ERBB4: variants seen among roughly 807,000 people sequenced by gnomAD.
The protein encoded by ERBB4 is erb-b2 receptor tyrosine kinase 4, also known as receptor tyrosine-protein kinase erbB-4.
In ERBB4, 42 loss-of-function variants were observed where a neutral mutation model predicts 158.0. That is an observed-to-expected ratio of 0.27 (90% confidence interval 0.21 to 0.34). The LOEUF (loss-of-function observed/expected upper bound fraction) is 0.34. ERBB4 is among the 10% of genes least tolerant of loss of function. The pLI, the probability that ERBB4 is intolerant of heterozygous loss-of-function variation, is 1.00. For missense variants in ERBB4, 1,333 were observed against 1,624.1 expected, an observed-to-expected ratio of 0.82 and a Z score of 3.08; for synonymous variants, 583 against 558.7, an observed-to-expected ratio of 1.04 and a Z score of -0.61.
At chr2:211,422,212 G>T in intron 23 of ERBB4, 108 bp from the exon 24 acceptor site, 111 of 644,456 alleles carry the variant, frequency 1.7e-4, no homozygotes, top group East Asian at 2.2e-4. Context: ...TGTTTTAATC[G>T]TAATGATCTG....
intron 3 of ERBB4, among the ~76,000 whole-genome samples, chr2:211,879,069 C>G (rs138095746): frequency 6.6e-6 from 1 of 152,044 alleles, no homozygotes; most frequent in Non-Finnish European, 1.5e-5. Flanking sequence ...TTGGTAAATG[C>G]TGGGGCTATC....
At chr2:211,734,063 A>G (rs1297338559) in intron 5 of ERBB4, among the ~76,000 whole-genome samples, 1 of 152,142 alleles carries the variant, frequency 6.6e-6, no homozygotes, top group African/African-American at 2.4e-5. Flanking sequence ...AAAATAATAA[A>G]TATTTAAAAA....
At chr2:212,439,661 G>A (rs985438653) in intron 1 of ERBB4, among the ~76,000 whole-genome samples, 5 of 152,108 alleles carry the variant, frequency 3.3e-5, no homozygotes, top group Non-Finnish European at 5.9e-5. Flanking sequence ...AAACAATAAT[G>A]CGATACAAAG....
chr2:211,943,235 T>A (rs1336964507), intron 3 of ERBB4, among the ~76,000 whole-genome samples: 1 of 152,092 alleles, frequency 6.6e-6, no homozygotes, highest in African/African-American at 2.4e-5. Flanking sequence ...TAATTCCTTT[T>A]AGGGTTTGGC....
intron 2 of ERBB4, among the ~76,000 whole-genome samples, chr2:212,043,540 G>A (rs906487784): frequency 1.3e-5 from 2 of 152,004 alleles, no homozygotes; most frequent in Non-Finnish European, 2.9e-5. Context: ...TAAAATGTTA[G>A]CTGTAATAAT....
At chr2:212,330,298 C>T (rs1200883222) in intron 1 of ERBB4, among the ~76,000 whole-genome samples, 1 of 151,906 alleles carries the variant, frequency 6.6e-6, no homozygotes, top group Non-Finnish European at 1.5e-5. Context: ...AAAACACTTT[C>T]CAAACAAAAT....
At chr2:211,835,281 T>A (rs114292350) in intron 3 of ERBB4, among the ~76,000 whole-genome samples, 2 of 149,322 alleles carry the variant, frequency 1.3e-5, no homozygotes, top group Non-Finnish European at 3.0e-5. Context: ...ATAATCCAGA[T>A]GAATATTTAG....
At chr2:211,618,566 C>G (rs2069479319) in intron 19 of ERBB4, among the ~76,000 whole-genome samples, 1 of 152,028 alleles carries the variant, frequency 6.6e-6, no homozygotes, top group Admixed American at 6.6e-5. Context: ...AACTCAAAGT[C>G]TAGACCTGCC....
chr2:211,793,497 A>C lies in ERBB4; in HGVS notation c.422-5338T>G, dbSNP rs76172667. 1.1e-4 allele frequency among the ~76,000 whole-genome samples: 16 copies of C among 152,108 alleles called. No homozygotes were observed. In the East Asian group the frequency reaches 3.1e-3, roughly 29 times the overall value. On this transcript the variant is annotated intron_variant, in intron 3 of 27. Coordinates refer to ENST00000342788, the MANE Select transcript of ERBB4 (RefSeq NM_005235.3). Reference sequence around the variant, plus strand: ...CTATCTATCTAAGTCAAAGGGCAGAATCAAGAATCAAAATCCAAGGCAGCA... The same window carrying C: ...CTATCTATCTAAGTCAAAGGGCAGACTCAAGAATCAAAATCCAAGGCAGCA...
At chr2:211,660,981 T>G (rs2071402482) in intron 15 of ERBB4, among the ~76,000 whole-genome samples, 1 of 152,148 alleles carries the variant, frequency 6.6e-6, no homozygotes, top group African/African-American at 2.4e-5. Flanking sequence ...ATTGTCATGG[T>G]CACTAGAATT....
intron 1 of ERBB4, among the ~76,000 whole-genome samples, chr2:212,144,161 CT>C (rs1030864120): frequency 6.6e-6 from 1 of 151,996 alleles, no homozygotes; most frequent in African/African-American, 2.4e-5. Context: ...TGCATGCTAA[CT>C]TTTTTTCAGT....
chr2:212,031,871 CAA>C (rs969136525), intron 2 of ERBB4, among the ~76,000 whole-genome samples: 9 of 152,076 alleles, frequency 5.9e-5, no homozygotes, highest in African/African-American at 2.2e-4. Context: ...CAAGTGATGG[CAA>C]AGATTATTAT....
At chr2:211,884,858 A>G (rs2078755469) in intron 3 of ERBB4, among the ~76,000 whole-genome samples, 1 of 152,202 alleles carries the variant, frequency 6.6e-6, no homozygotes, top group Non-Finnish European at 1.5e-5. Flanking sequence ...GGCTATGTTG[A>G]GCAAATTCCA....
At chr2:211,992,216 G>T (rs928517878) in intron 2 of ERBB4, among the ~76,000 whole-genome samples, 8 of 152,072 alleles carry the variant, frequency 5.3e-5, no homozygotes, top group South Asian at 2.1e-4. Flanking sequence ...AAGAAAAAGA[G>T]GTTTAATTGG....
chr2:211,883,067 A>C (rs940498464), intron 3 of ERBB4, among the ~76,000 whole-genome samples: 2 of 152,208 alleles, frequency 1.3e-5, no homozygotes, highest in Non-Finnish European at 2.9e-5. Context: ...ACAATGATAG[A>C]CCAGATTAAG....
rs2090202734 is a variant in ERBB4, at chr2:212,373,929, CCATATATATCCATATATATAT to C, written c.82+164499_82+164519del. ...CATGTATATATCCATATATATATAT[CCATATATATCCATATATATAT>C]CATATATATATCCATATATATCCAT... On this transcript the variant is annotated intron_variant, in intron 1 of 27. Coordinates refer to ENST00000342788, the MANE Select transcript of ERBB4 (RefSeq NM_005235.3). Among the ~76,000 whole-genome samples the C allele has an allele frequency of 3.0e-5, 2 of 65,816 alleles. 1 individual carries two copies. Among genetic ancestry groups the C allele is most frequent in the African/African-American group, 2.0e-4 (2 of 9,758 alleles). The allele number at this position is 65,816 out of a possible 152,430, so 43.2% of individuals were successfully genotyped here.
intron 25 of ERBB4, among the ~76,000 whole-genome samples, chr2:211,396,499 A>G (rs953907938): frequency 2.0e-5 from 3 of 152,184 alleles, no homozygotes; most frequent in Non-Finnish European, 4.4e-5. Context: ...CTCTTTAGTA[A>G]TAACCCAAGC....
chr2:212,015,251 G>C (rs949586718), intron 2 of ERBB4, among the ~76,000 whole-genome samples: 13 of 150,180 alleles, frequency 8.7e-5, no homozygotes, highest in Admixed American at 6.6e-4. Context: ...GGGCAACAGA[G>C]CGAGACACTG....
At chr2:212,253,465 T>C (rs1307943503) in intron 1 of ERBB4, among the ~76,000 whole-genome samples, 1 of 152,130 alleles carries the variant, frequency 6.6e-6, no homozygotes, top group East Asian at 1.9e-4. Context: ...AATTTGCTTC[T>C]CTTCTTCATC....
Sources: allele counts gnomAD v4.1 joint callset (sites outside exome capture counted in the v4.1 genomes callset), GRCh38; gene constraint gnomAD v4.1.1; transcripts MANE v1.5; gene names NCBI Gene and HGNC (gene_info 2026-07-23, HGNC 2026-07-21).